FYB1: variants seen among roughly 807,000 people sequenced by gnomAD.
The protein encoded by FYB1 is FYN binding protein 1.
FYB1 carries 41 observed loss-of-function variants against 94.1 expected under a neutral mutation model. The observed-to-expected ratio is 0.44, with a 90% CI of 0.34 to 0.57. FYB1 has a LOEUF of 0.57. FYB1 is among the 20% of genes least tolerant of loss of function. The probability of loss-of-function intolerance (pLI) is 0.02; values close to 1 mark genes in which losing one functional copy is unlikely to be tolerated. For synonymous variants in FYB1, 367 were observed against 353.2 expected, an observed-to-expected ratio of 1.04 and a Z score of -0.44; for missense variants, 1,050 against 976.8, an observed-to-expected ratio of 1.07 and a Z score of -1.00.
intron 1 of FYB1, among the ~76,000 whole-genome samples, chr5:39,243,166 T>A (rs1331035983): frequency 6.6e-6 from 1 of 152,038 alleles, no homozygotes; most frequent in East Asian, 1.9e-4. Flanking sequence ...TTGTCAATTT[T>A]GGCTTTTGTT....
At chr5:39,192,976 T>C (rs1747495359) in intron 2 of FYB1, among the ~76,000 whole-genome samples, 1 of 152,196 alleles carries the variant, frequency 6.6e-6, no homozygotes, top group Non-Finnish European at 1.5e-5. Flanking sequence ...CTCCTCTAAG[T>C]GGATTGGCTG....
chr5:39,227,094 C>G (rs926556990), intron 1 of FYB1, among the ~76,000 whole-genome samples: 3 of 152,174 alleles, frequency 2.0e-5, no homozygotes, highest in Non-Finnish European at 4.4e-5. Flanking sequence ...TGTGCAAACA[C>G]ACATACATTC....
At chr5:39,108,990 T>A (rs1331898264) in intron 17 of FYB1, among the ~76,000 whole-genome samples, 1 of 152,150 alleles carries the variant, frequency 6.6e-6, no homozygotes, top group Non-Finnish European at 1.5e-5. Context: ...AAGTACCTTA[T>A]AATCAAACAG....
At chr5:39,261,270 G>A (rs1333629042) in intron 1 of FYB1, among the ~76,000 whole-genome samples, 2 of 145,774 alleles carry the variant, frequency 1.4e-5, no homozygotes, top group African/African-American at 5.1e-5. Flanking sequence ...AAACCTGCAC[G>A]TTCTGCACAT....
intron 17 of FYB1, among the ~76,000 whole-genome samples, chr5:39,109,969 C>T (rs1738906754): frequency 6.6e-6 from 1 of 152,034 alleles, no homozygotes; most frequent in South Asian, 2.1e-4. Context: ...ATATTAGCAC[C>T]TACTATGAAG....
In FYB1 at chr5:39,167,924, G is replaced by A. The variant is rs567318683; in HGVS notation, c.1136-14320C>T. Among the ~76,000 whole-genome samples, 9 of 148,572 alleles carry A rather than the reference G, an allele frequency of 6.1e-5. No individual in the cohort carries two copies. In the South Asian group the frequency reaches 1.6e-3, roughly 26 times the overall value. ...AGGGCATCAGCTTACTCTGTAAAAA[G>A]GCAAAAATTCTACTCCACAATAAAG... On this transcript the variant is annotated intron_variant, in intron 2 of 18. Transcript: ENST00000512982.
intron 6 of FYB1, 49 bp from the exon 7 acceptor site, chr5:39,137,769 C>T (rs116536682): frequency 1.2e-5 from 18 of 1,546,608 alleles, no homozygotes; most frequent in Middle Eastern, 1.7e-4. Flanking sequence ...GGTGTTGATG[C>T]GTCGGAACTC....
At chr5:39,179,893 C>T (rs1238226950) in intron 2 of FYB1, among the ~76,000 whole-genome samples, 1 of 152,316 alleles carries the variant, frequency 6.6e-6, no homozygotes, top group East Asian at 1.9e-4. Flanking sequence ...TATGCCTACT[C>T]TGTCTTTGGG....
At chr5:39,224,642 A>G (rs1477654600) in intron 1 of FYB1, among the ~76,000 whole-genome samples, 2 of 152,186 alleles carry the variant, frequency 1.3e-5, no homozygotes, top group Non-Finnish European at 2.9e-5. Flanking sequence ...TGTGTAGGAG[A>G]GAAGAAAAGA....
chr5:39,180,175 C>T lies in FYB1; in HGVS notation c.1135+21651G>A, dbSNP rs1018606607. 1.3e-5 allele frequency among the ~76,000 whole-genome samples: 2 copies of T among 152,304 alleles called. 1 individual carries two copies. ...TTAATAATTGCTATCCACCACTGCACCATTCCCCAATGTTTGCCATGTCCA... is the reference window on the plus strand; with the variant it reads ...TTAATAATTGCTATCCACCACTGCATCATTCCCCAATGTTTGCCATGTCCA... On this transcript the variant is annotated intron_variant, in intron 2 of 18. Coordinates refer to ENST00000512982, the MANE Select transcript of FYB1 (RefSeq NM_001465.6).
chr5:39,169,421 A>G lies in FYB1; in HGVS notation c.1136-15817T>C, dbSNP rs553170571. ...TTCCTGCCAGATTAGTTTCTGTGCC[A>G]TTAAAAAGAACAGGAACATTTCACA... is the stretch of plus-strand genomic sequence containing the variant. On this transcript the variant is annotated intron_variant, in intron 2 of 18. Coordinates refer to ENST00000512982, the MANE Select transcript of FYB1 (RefSeq NM_001465.6). 9.4e-6 allele frequency: 7 copies of G among 746,028 alleles called. No homozygotes were observed. In the Admixed American group the frequency reaches 1.0e-4, roughly 11 times the overall value. 46.2% of individuals were successfully genotyped at this position (746,028 alleles called of 1,614,324 possible).
chr5:39,168,033 T>C (rs1426885436), intron 2 of FYB1, among the ~76,000 whole-genome samples: 2 of 152,208 alleles, frequency 1.3e-5, no homozygotes, highest in African/African-American at 2.4e-5. Flanking sequence ...CTTCCCTTAT[T>C]ATGGATATTT....
chr5:39,245,990 T>C (rs1751462122), intron 1 of FYB1, among the ~76,000 whole-genome samples: 1 of 152,238 alleles, frequency 6.6e-6, no homozygotes. Context: ...ACAGAAGGGA[T>C]GTCTACTTCT....
intron 14 of FYB1, 96 bp from the exon 15 acceptor site, chr5:39,119,730 T>G (rs1054168928): frequency 3.6e-5 from 46 of 1,277,790 alleles, no homozygotes; most frequent in Middle Eastern, 2.1e-4. Flanking sequence ...TATTTTTAAC[T>G]TTTTGTTTCA....
At chr5:39,150,928 T>A (rs1186845904) in intron 3 of FYB1, among the ~76,000 whole-genome samples, 1 of 152,214 alleles carries the variant, frequency 6.6e-6, no homozygotes, top group African/African-American at 2.4e-5. Flanking sequence ...TGCTCTGATG[T>A]AGCTCTTTGA....
intron 1 of FYB1, among the ~76,000 whole-genome samples, chr5:39,246,559 A>T (rs1751485463): frequency 1.3e-5 from 2 of 152,194 alleles, no homozygotes; most frequent in South Asian, 4.1e-4. Flanking sequence ...CTCCAAGTTA[A>T]TACTGTCCAT....
intron 1 of FYB1, among the ~76,000 whole-genome samples, chr5:39,214,923 T>G (rs921924471): frequency 3.3e-5 from 5 of 151,994 alleles, no homozygotes; most frequent in African/African-American, 1.2e-4. Flanking sequence ...AGCGAGATTC[T>G]GTGTCAAAAA....
chr5:39,196,914 G>A (rs976314389), intron 2 of FYB1, among the ~76,000 whole-genome samples: 27 of 152,308 alleles, frequency 1.8e-4, no homozygotes, highest in East Asian at 1.9e-4. Flanking sequence ...TGGCTTGAGA[G>A]GAATAAACGG....
At chr5:39,161,483 A>AT (rs1165958030) in intron 2 of FYB1, among the ~76,000 whole-genome samples, 1 of 151,802 alleles carries the variant, frequency 6.6e-6, no homozygotes, top group Non-Finnish European at 1.5e-5. Flanking sequence ...TATTCTATGT[A>AT]TTTTTTTACA....
Sources: allele counts gnomAD v4.1 joint callset (sites outside exome capture counted in the v4.1 genomes callset), GRCh38; gene constraint gnomAD v4.1.1; transcripts MANE v1.5; gene names NCBI Gene and HGNC (gene_info 2026-07-23, HGNC 2026-07-21).